CLSTN2: variants seen among roughly 807,000 people sequenced by gnomAD.
CLSTN2 encodes calsyntenin-2.
Under a neutral mutation model 101.2 loss-of-function variants are expected in CLSTN2, and 48 were observed. That is an observed-to-expected ratio of 0.47 (90% CI 0.38 to 0.60). The LOEUF (loss-of-function observed/expected upper bound fraction) is 0.60, where lower values mean the gene tolerates loss of function less well. CLSTN2 is among the 20% of genes least tolerant of loss of function. CLSTN2 has a pLI of 0.00. For synonymous variants in CLSTN2, 481 were observed against 463.6 expected (o/e 1.04, Z -0.48); for missense variants, 1,160 against 1,238.2 (o/e 0.94, Z 0.95).
At chr3:140,303,393 C>T (rs1476800371) in intron 2 of CLSTN2, among the ~76,000 whole-genome samples, 1 of 152,142 alleles carries the variant, frequency 6.6e-6, no homozygotes, top group East Asian at 1.9e-4. Flanking sequence ...AAGGAAAGGT[C>T]AGACTCTAGT....
chr3:140,460,078 G>C (rs1933522268), intron 7 of CLSTN2, among the ~76,000 whole-genome samples: 2 of 152,138 alleles, frequency 1.3e-5, no homozygotes, highest in South Asian at 4.1e-4. Flanking sequence ...TTTTGGGGCT[G>C]CTATAAGTGA....
At chr3:140,547,996 T>G (rs1055458280) in intron 10 of CLSTN2, among the ~76,000 whole-genome samples, 1 of 152,186 alleles carries the variant, frequency 6.6e-6, no homozygotes, top group African/African-American at 2.4e-5. Flanking sequence ...CTTGACCCAG[T>G]ACTGCCCATG....
chr3:140,053,697 A>C (rs1470681766), intron 1 of CLSTN2, among the ~76,000 whole-genome samples: 1 of 151,988 alleles, frequency 6.6e-6, no homozygotes, highest in Non-Finnish European at 1.5e-5. Flanking sequence ...CCTTCTCCAA[A>C]GATCTGCCTT....
chr3:140,456,593 C>G lies in CLSTN2; in HGVS notation c.974-2928C>G, dbSNP rs879187030. 2.6e-5 allele frequency among the ~76,000 whole-genome samples: 4 copies of G among 152,074 alleles called. No homozygotes were observed. The South Asian group carries it at 8.3e-4, about 32-fold the overall frequency. Reference sequence around the variant, plus strand: ...CCTGAGGTCAGGAGTTCAAGACCAGCCTGGCCAACATGGTGAAACCCCATC... The same window carrying G: ...CCTGAGGTCAGGAGTTCAAGACCAGGCTGGCCAACATGGTGAAACCCCATC... On this transcript the variant is annotated intron_variant, in intron 6 of 16. Transcript: ENST00000458420.
chr3:140,311,617 A>G (rs2107917217), intron 2 of CLSTN2, among the ~76,000 whole-genome samples: 1 of 151,704 alleles, frequency 6.6e-6, no homozygotes, highest in East Asian at 1.9e-4. Context: ...GATTTATGAT[A>G]CTTATTATGT....
chr3:140,116,187 G>T (rs1279303334), intron 1 of CLSTN2, among the ~76,000 whole-genome samples: 1 of 151,836 alleles, frequency 6.6e-6, no homozygotes, highest in Non-Finnish European at 1.5e-5. Flanking sequence ...CAAATCTCCT[G>T]GTCTATTATT....
chr3:140,056,105 G>A (rs963042821), intron 1 of CLSTN2, among the ~76,000 whole-genome samples: 83 of 152,146 alleles, frequency 5.5e-4, no homozygotes, highest in Non-Finnish European at 1.3e-4. Context: ...CGGTTTGTTC[G>A]CTGGGAAGCC....
intron 1 of CLSTN2, among the ~76,000 whole-genome samples, chr3:139,991,669 G>A (rs557418876): frequency 1.3e-5 from 2 of 152,316 alleles, no homozygotes; most frequent in African/African-American, 4.8e-5. Context: ...TCGGGATATG[G>A]TGATATTTAT....
At chr3:140,237,683 T>C (rs1171676737) in intron 2 of CLSTN2, among the ~76,000 whole-genome samples, 2 of 152,210 alleles carry the variant, frequency 1.3e-5, no homozygotes, top group African/African-American at 4.8e-5. Context: ...TTTCTGTTTC[T>C]TCAGAGATCA....
At chr3:139,992,052 T>C (rs897085500) in intron 1 of CLSTN2, among the ~76,000 whole-genome samples, 1 of 152,116 alleles carries the variant, frequency 6.6e-6, no homozygotes, top group Non-Finnish European at 1.5e-5. Context: ...TGAAGGTGGT[T>C]TCCAAAGAAA....
Position 139,967,281 on chromosome 3 carries a change from C to T in CLSTN2, c.109+31798C>T, listed in dbSNP as rs1935616768. 2.6e-5 allele frequency among the ~76,000 whole-genome samples: 4 copies of T among 152,206 alleles called. No homozygotes were observed. In the South Asian group the frequency reaches 6.2e-4, roughly 24 times the overall value. ...GCCTCCTGCCATCCTCTGCTTTCTT[C>T]TATGACTGGTCAAACAGCAGTCTGC... On this transcript the variant is annotated intron_variant, in intron 1 of 16. Coordinates refer to ENST00000458420, the MANE Select transcript of CLSTN2 (RefSeq NM_022131.3).
chr3:140,564,945 C>T (rs942082257), intron 16 of CLSTN2, among the ~76,000 whole-genome samples: 13 of 152,202 alleles, frequency 8.5e-5, no homozygotes, highest in African/African-American at 2.9e-4. Context: ...TTACCCCAGC[C>T]TGGTCCCCAG....
intron 1 of CLSTN2, among the ~76,000 whole-genome samples, chr3:140,020,957 T>C (rs758026865): frequency 1.2e-4 from 18 of 152,214 alleles, no homozygotes; most frequent in Non-Finnish European, 1.8e-4. Context: ...GCCGTAAAAA[T>C]GTAAACTATA....
chr3:140,511,716 A>AT (rs34793896), intron 8 of CLSTN2, among the ~76,000 whole-genome samples: 27,047 of 142,322 alleles, frequency 0.19, 4,275 homozygotes, highest in African/African-American at 0.42. Context: ...CACCTGGCTA[A>AT]TTTTTTTTTT....
intron 1 of CLSTN2, among the ~76,000 whole-genome samples, chr3:139,998,959 T>G (rs569702469): frequency 6.6e-6 from 1 of 151,950 alleles, no homozygotes; most frequent in Admixed American, 6.6e-5. Context: ...AGCAGGAGCT[T>G]CAGACTCAGC....
chr3:140,120,718 T>TTGTCTGTC (rs879291576), intron 1 of CLSTN2, among the ~76,000 whole-genome samples: 30 of 152,152 alleles, frequency 2.0e-4, no homozygotes, highest in African/African-American at 6.8e-4. Flanking sequence ...GATGAATATC[T>TTGTCTGTC]TGTCTGTCTG....
At chr3:140,199,140 T>C (rs991462900) in intron 2 of CLSTN2, among the ~76,000 whole-genome samples, 1 of 152,322 alleles carries the variant, frequency 6.6e-6, no homozygotes. Context: ...GGCCTATCTT[T>C]CCATGTGTGA....
Position 140,570,499 on chromosome 3 carries a change from C to T in CLSTN2, c.*4246C>T, listed in dbSNP as rs961231681. ...TTGAACATCTGTGGATTTTGGTGTC[C>T]GAGGGGAGTTCTGGAACCAATCCCC... On this transcript the variant is annotated 3_prime_UTR_variant, in exon 17 of 17. Transcript: ENST00000458420. 6.6e-6 allele frequency: 1 copy of T among 151,966 alleles called. No individual in the cohort carries two copies. Among genetic ancestry groups the T allele is most frequent in the Non-Finnish European group, 1.5e-5 (1 of 68,020 alleles). 9.4% of individuals were successfully genotyped at this position (151,966 alleles called of 1,614,324 possible). A position where few individuals can be genotyped will look rare whatever the true frequency, so the allele number is the denominator to read the frequency against.
chr3:140,415,486 C>CAAAAAAATAA (rs2088419168), intron 4 of CLSTN2, among the ~76,000 whole-genome samples: 1 of 56,868 alleles, frequency 1.8e-5, no homozygotes, highest in African/African-American at 7.7e-5. Context: ...CACAAAATAG[C>CAAAAAAATAA]AAAAAAAAAA....
Sources: allele counts gnomAD v4.1 joint callset (sites outside exome capture counted in the v4.1 genomes callset), GRCh38; gene constraint gnomAD v4.1.1; transcripts MANE v1.5; gene names NCBI Gene and HGNC (gene_info 2026-07-23, HGNC 2026-07-21).